The following RAC2 variants were observed in gnomAD, a reference collection of about 807,000 sequenced individuals.
RAC2 encodes ras-related C3 botulinum toxin substrate 2.
RAC2 carries 1 observed loss-of-function variant against 24.0 expected under a neutral mutation model. The observed-to-expected ratio is 0.04, with a 90% confidence interval of 0.01 to 0.20. The LOEUF (loss-of-function observed/expected upper bound fraction) is 0.20, where lower values mean the gene tolerates loss of function less well. Ranked by LOEUF, RAC2 falls within the 10% of genes least tolerant of loss-of-function variation. RAC2 has a pLI of 1.00. For synonymous variants in RAC2, 114 were observed against 106.8 expected (o/e 1.07, Z -0.41); for missense variants, 130 against 259.1 (o/e 0.50, Z 3.42).
At chr22:37,241,323 G>A (rs560260787) in intron 2 of RAC2, among the ~76,000 whole-genome samples, 9 of 152,280 alleles carry the variant, frequency 5.9e-5, no homozygotes, top group South Asian at 2.1e-4. Context: ...TCTCCTCCAC[G>A]TCCCTTTGCT....
chr22:37,235,859 G>A (rs1179263642), intron 2 of RAC2, among the ~76,000 whole-genome samples: 1 of 152,212 alleles, frequency 6.6e-6, no homozygotes, highest in Non-Finnish European at 1.5e-5. Context: ...CGGTGATGGG[G>A]AAAGAGCTGG....
chr22:37,238,130 G>A lies in RAC2; in HGVS notation c.107+3457C>T, dbSNP rs115882909. Among the ~76,000 whole-genome samples the A allele has an allele frequency of 3.7e-3, 565 of 152,262 alleles. 2 individuals carry two copies. Among genetic ancestry groups the A allele is most frequent in the African/African-American group, 0.013 (545 of 41,544 alleles). Reference sequence around the variant, plus strand: ...TGGTAAATGAGGCTGGGGAGACGGGGGCTGTTGTTCACGGTTTGCGCATTA... The same window carrying A: ...TGGTAAATGAGGCTGGGGAGACGGGAGCTGTTGTTCACGGTTTGCGCATTA... On this transcript the variant is annotated intron_variant, in intron 2 of 6. Coordinates refer to ENST00000249071, the MANE Select transcript of RAC2 (RefSeq NM_002872.5).
chr22:37,235,305 C>A (rs1927190881), intron 2 of RAC2, among the ~76,000 whole-genome samples: 1 of 152,142 alleles, frequency 6.6e-6, no homozygotes, highest in African/African-American at 2.4e-5. Flanking sequence ...GGCCCTGTTC[C>A]CGCCTGTCTG....
At chr22:37,239,980 A>G (rs1927338911) in intron 2 of RAC2, among the ~76,000 whole-genome samples, 1 of 152,176 alleles carries the variant, frequency 6.6e-6, no homozygotes. Flanking sequence ...AGGGGCACTC[A>G]CCAGCATCAG....
At chr22:37,236,046 C>A (rs1053025417) in intron 2 of RAC2, among the ~76,000 whole-genome samples, 1 of 152,236 alleles carries the variant, frequency 6.6e-6, no homozygotes, top group African/African-American at 2.4e-5. Flanking sequence ...TGGGCGGGAA[C>A]ACAGAGTTCC....
In RAC2 at chr22:37,229,886, G is replaced by A. The variant is rs115402118; in HGVS notation, c.448+1345C>T. Among the ~76,000 whole-genome samples, 991 of 152,282 alleles carry A rather than the reference G, an allele frequency of 6.5e-3. 4 individuals are homozygous for A. The highest frequency in any genetic ancestry group is 0.022 in the African/African-American group (910 of 41,560). On this transcript the variant is annotated intron_variant, in intron 5 of 6. Transcript: ENST00000249071. ...CCAATCAGTATCAGAGCCAGGACCA[G>A]AATCCAGGCCTCCAGCACCCTCCAC...
chr22:37,226,112 C>T, intron 6 of RAC2, 73 bp from the exon 7 acceptor site: 1 of 160,806 alleles, frequency 6.2e-6, no homozygotes, highest in Admixed American at 5.8e-5. Flanking sequence ...TCCTGGCTCA[C>T]AGCTCATTCC....
chr22:37,236,938 C>T (rs763342864), intron 2 of RAC2, among the ~76,000 whole-genome samples: 1 of 152,122 alleles, frequency 6.6e-6, no homozygotes, highest in Non-Finnish European at 1.5e-5. Flanking sequence ...CGCCTGTAAT[C>T]CCAGCACTTT....
At chr22:37,243,560 G>A (rs986178502) in intron 1 of RAC2, among the ~76,000 whole-genome samples, 7 of 152,098 alleles carry the variant, frequency 4.6e-5, no homozygotes, top group African/African-American at 1.7e-4. Context: ...AAAGTGGAGG[G>A]GGTGCTAGAA....
Position 37,231,561 on chromosome 22 carries a change from G to C in RAC2, c.289-171C>G, listed in dbSNP as rs924662212. The C allele has an allele frequency of 3.2e-5, 21 of 648,648 alleles. No homozygotes were observed. Among genetic ancestry groups the C allele is most frequent in the Non-Finnish European group, 5.6e-5 (21 of 372,340 alleles). 40.2% of individuals were successfully genotyped at this position (648,648 alleles called of 1,614,324 possible). The stretch of plus-strand genomic sequence containing the variant: ...AGAGAGACGTGAGGTGGCACAGGGA[G>C]GGGAGGCCACGACGTTGTGCAGGAA... On this transcript the variant is annotated intron_variant, in intron 4 of 6. Transcript: ENST00000249071. The surrounding 1 kb of genome is among the most constrained non-coding windows in gnomAD (Gnocchi z 5.5).
At chr22:37,226,579 G>T in intron 6 of RAC2, 92 bp downstream of exon 6, 1 of 1,526,188 alleles carries the variant, frequency 6.6e-7, no homozygotes. Flanking sequence ...TTTCTGTCCT[G>T]GCCTAAATGC....
intron 2 of RAC2, among the ~76,000 whole-genome samples, chr22:37,236,197 G>A (rs1483118050): frequency 2.0e-5 from 3 of 152,166 alleles, no homozygotes; most frequent in Admixed American, 6.5e-5. Flanking sequence ...GGATGTTCAA[G>A]CCACCCCACT....
At chr22:37,230,880 T>C (rs1367490173) in intron 5 of RAC2, among the ~76,000 whole-genome samples, 2 of 152,118 alleles carry the variant, frequency 1.3e-5, no homozygotes, top group Admixed American at 6.5e-5. Context: ...CACACCTCCT[T>C]ATTTTCAGTA....
intron 1 of RAC2, among the ~76,000 whole-genome samples, chr22:37,242,779 C>A (rs1372735807): frequency 6.6e-6 from 1 of 152,248 alleles, no homozygotes; most frequent in Non-Finnish European, 1.5e-5. Context: ...GACAAATGGG[C>A]CCGCCCCCAC....
intron 2 of RAC2, chr22:37,241,111 C>T (rs753270998): frequency 1.0e-5 from 8 of 777,000 alleles, no homozygotes; most frequent in East Asian, 2.4e-5. Flanking sequence ...GCTCCCTCCA[C>T]GTCCGATGAC....
intron 2 of RAC2, among the ~76,000 whole-genome samples, chr22:37,237,088 C>A: frequency 6.6e-6 from 1 of 151,954 alleles, no homozygotes; most frequent in African/African-American, 2.4e-5. Context: ...ACTTGGGAGG[C>A]TGAGGCAGCA....
Position 37,230,378 on chromosome 22 carries a change from C to T in RAC2, c.448+853G>A, listed in dbSNP as rs116782454. Among the ~76,000 whole-genome samples, 432 of 152,150 alleles carry T rather than the reference C, an allele frequency of 2.8e-3. 3 individuals are homozygous for T. The highest frequency in any genetic ancestry group is 1.0e-2 in the African/African-American group (414 of 41,504). On this transcript the variant is annotated intron_variant, in intron 5 of 6. Transcript: ENST00000249071. ...GAGGCAGAGGGCACAGCTCATATGA[C>T]CAAACCCAGCTGGTGGTTTTGGGCT...
At chr22:37,243,935 C>T (rs1242968489) in intron 1 of RAC2, among the ~76,000 whole-genome samples, 179 bp downstream of exon 1, 1 of 152,072 alleles carries the variant, frequency 6.6e-6, no homozygotes, top group Non-Finnish European at 1.5e-5. Context: ...GGGTGAAGCT[C>T]CCCTCAGCCC....
At chr22:37,236,183 C>T (rs1927216331) in intron 2 of RAC2, among the ~76,000 whole-genome samples, 1 of 152,166 alleles carries the variant, frequency 6.6e-6, no homozygotes, top group African/African-American at 2.4e-5. Context: ...TCCAAAAAAA[C>T]AGAGGATGTT....
Sources: allele counts gnomAD v4.1 joint callset (sites outside exome capture counted in the v4.1 genomes callset), GRCh38; gene constraint gnomAD v4.1.1; non-coding constraint Gnocchi (gnomAD v3.1); transcripts MANE v1.5; gene names NCBI Gene and HGNC (gene_info 2026-07-23, HGNC 2026-07-21).